Variants in CA10 observed in about 807,000 individuals in gnomAD.
The protein encoded by CA10 is carbonic anhydrase 10 (inactive).
CA10 carries 14 observed loss-of-function variants against 44.2 expected under a neutral mutation model. The observed-to-expected ratio is 0.32, with a 90% confidence interval of 0.21 to 0.50. CA10 has a LOEUF of 0.50. CA10 is among the 20% of genes least tolerant of loss of function. The probability of loss-of-function intolerance (pLI) is 0.99; values close to 1 mark genes in which losing one functional copy is unlikely to be tolerated. For missense variants in CA10, 350 were observed against 409.7 expected (o/e 0.85, Z 1.26); for synonymous variants, 159 against 141.6 (o/e 1.12, Z -0.87).
chr17:51,716,544 GC>G (rs1021157721), intron 4 of CA10, among the ~76,000 whole-genome samples: 29 of 152,132 alleles, frequency 1.9e-4, no homozygotes, highest in Admixed American at 1.4e-3. Context: ...GTTCTTGCCA[GC>G]CCCCCAGGGT....
chr17:51,914,182 C>A lies in CA10; in HGVS notation c.279+16808G>T, dbSNP rs111471786. Reference sequence around the variant, plus strand: ...TGCAATCATGCTTTTGGGGTGAACACCCCAGCTGCAAAAACAGTAAGGTCT... The same window carrying A: ...TGCAATCATGCTTTTGGGGTGAACAACCCAGCTGCAAAAACAGTAAGGTCT... On this transcript the variant is annotated intron_variant, in intron 3 of 8. Coordinates refer to ENST00000451037, the MANE Select transcript of CA10 (RefSeq NM_020178.5). Among the ~76,000 whole-genome samples, 1,210 of 152,174 alleles carry A rather than the reference C, an allele frequency of 8.0e-3. 15 individuals are homozygous for A. Among genetic ancestry groups the A allele is most frequent in the African/African-American group, 0.028 (1,161 of 41,534 alleles).
chr17:51,927,540 A>T (rs941978617), intron 3 of CA10, among the ~76,000 whole-genome samples: 13 of 152,274 alleles, frequency 8.5e-5, no homozygotes, highest in South Asian at 2.1e-4. Context: ...GATTGAAGTT[A>T]TCCATATTTT....
At chr17:52,058,087 T>C (rs748400243) in intron 2 of CA10, among the ~76,000 whole-genome samples, 1 of 152,056 alleles carries the variant, frequency 6.6e-6, no homozygotes, top group Non-Finnish European at 1.5e-5. Flanking sequence ...TGCTGAAATA[T>C]ATATGCAGGT....
chr17:52,049,389 C>G (rs771973146), intron 2 of CA10, among the ~76,000 whole-genome samples: 1 of 152,042 alleles, frequency 6.6e-6, no homozygotes, highest in Non-Finnish European at 1.5e-5. Context: ...CATAATAATT[C>G]CTTTATGTGA....
intron 3 of CA10, among the ~76,000 whole-genome samples, chr17:51,918,842 T>G (rs755100988): frequency 5.3e-5 from 8 of 152,236 alleles, no homozygotes; most frequent in Non-Finnish European, 7.3e-5. Context: ...CTAAAACATC[T>G]AACTTTTTAA....
At chr17:51,818,239 T>C (rs1598060390) in intron 3 of CA10, among the ~76,000 whole-genome samples, 1 of 152,376 alleles carries the variant, frequency 6.6e-6, no homozygotes, top group East Asian at 1.9e-4. Flanking sequence ...GGAACTCATT[T>C]AAATAAGAAA....
intron 1 of CA10, among the ~76,000 whole-genome samples, chr17:52,079,851 T>G (rs1351678480): frequency 6.6e-6 from 1 of 151,604 alleles, no homozygotes; most frequent in Non-Finnish European, 1.5e-5. Context: ...ATCTCTGTCT[T>G]TCTTTGCTTT....
At chr17:51,820,814 A>G (rs1435396177) in intron 3 of CA10, among the ~76,000 whole-genome samples, 2 of 152,056 alleles carry the variant, frequency 1.3e-5, no homozygotes, top group Non-Finnish European at 2.9e-5. Context: ...TAGATAATAC[A>G]TTGCATCTAA....
chr17:51,979,268 T>C (rs1262241932), intron 2 of CA10, among the ~76,000 whole-genome samples: 2 of 152,148 alleles, frequency 1.3e-5, no homozygotes, highest in African/African-American at 4.8e-5. Context: ...GCAAAACATA[T>C]ATCTGACAAA....
intron 3 of CA10, among the ~76,000 whole-genome samples, chr17:51,848,334 C>G (rs1978591347): frequency 6.6e-6 from 1 of 152,122 alleles, no homozygotes; most frequent in Non-Finnish European, 1.5e-5. Context: ...GCACCTGAGG[C>G]TTGTGCCTCA....
chr17:52,102,439 C>T (rs1486497907), intron 1 of CA10, among the ~76,000 whole-genome samples: 1 of 152,156 alleles, frequency 6.6e-6, no homozygotes, highest in East Asian at 1.9e-4. Flanking sequence ...TGAAAGTGAC[C>T]TTAAACTTGT....
At chr17:51,854,657 G>C (rs943005757) in intron 3 of CA10, among the ~76,000 whole-genome samples, 2 of 152,092 alleles carry the variant, frequency 1.3e-5, no homozygotes, top group African/African-American at 2.4e-5. Flanking sequence ...ATCAAGTCTT[G>C]GTTCCCCTTT....
chr17:51,679,279 G>A (rs1238300125), intron 4 of CA10, among the ~76,000 whole-genome samples: 1 of 147,164 alleles, frequency 6.8e-6, no homozygotes, highest in African/African-American at 2.5e-5. Flanking sequence ...TTTTTTTTTG[G>A]GATGGAGTCT....
intron 3 of CA10, among the ~76,000 whole-genome samples, chr17:51,882,721 T>C (rs1980431007): frequency 6.6e-6 from 1 of 152,180 alleles, no homozygotes; most frequent in Admixed American, 6.5e-5. Flanking sequence ...ACAAACAACT[T>C]CACGGGTCTC....
intron 4 of CA10, among the ~76,000 whole-genome samples, chr17:51,727,767 C>T (rs989528659): frequency 6.6e-6 from 1 of 151,900 alleles, no homozygotes; most frequent in African/African-American, 2.4e-5. Flanking sequence ...TTATTGAGTG[C>T]CTATTATGAT....
intron 4 of CA10, among the ~76,000 whole-genome samples, chr17:51,659,064 G>A (rs1913905053): frequency 6.6e-6 from 1 of 152,140 alleles, no homozygotes; most frequent in Non-Finnish European, 1.5e-5. Context: ...CAGACAGCAG[G>A]AAAAACATTA....
rs1437395824 is a variant in CA10, at chr17:51,645,518, C to T, written c.634+3664G>A. On this transcript the variant is annotated intron_variant, in intron 6 of 8. Coordinates refer to ENST00000451037, the MANE Select transcript of CA10 (RefSeq NM_020178.5). ...TTAGGTCAGGATGTACTTGAACTGCCAAAGTTCCCATCAGTTCTGTGGTTA... is the reference window on the plus strand; with the variant it reads ...TTAGGTCAGGATGTACTTGAACTGCTAAAGTTCCCATCAGTTCTGTGGTTA... Among the ~76,000 whole-genome samples, 3 of 152,130 alleles carry T rather than the reference C, an allele frequency of 2.0e-5. No individual in the cohort carries two copies. In the East Asian group the frequency reaches 5.8e-4, roughly 29 times the overall value.
At position 51,756,622 on chromosome 17, in the gene CA10, A is replaced by G. The variant is rs534647384; in HGVS notation, c.280-8804T>C. Among the ~76,000 whole-genome samples, 3 of 151,704 alleles carry G rather than the reference A, an allele frequency of 2.0e-5. No individual in the cohort carries two copies. In the Middle Eastern group the frequency reaches 0.01, roughly 520 times the overall value. ...GTAGCTGGGACTACAGGCGCCCGCCACCATGCCTGGCTAACTTTTTTTTTT... is the reference window on the plus strand; with the variant it reads ...GTAGCTGGGACTACAGGCGCCCGCCGCCATGCCTGGCTAACTTTTTTTTTT... On this transcript the variant is annotated intron_variant, in intron 3 of 8. Transcript: ENST00000451037.
At chr17:52,128,683 T>A (rs1331318605) in intron 1 of CA10, among the ~76,000 whole-genome samples, 1 of 152,240 alleles carries the variant, frequency 6.6e-6, no homozygotes, top group East Asian at 1.9e-4. Context: ...ATTGATCAAT[T>A]GGAGACATTC....
Sources: allele counts gnomAD v4.1 joint callset (sites outside exome capture counted in the v4.1 genomes callset), GRCh38; gene constraint gnomAD v4.1.1; transcripts MANE v1.5; gene names NCBI Gene and HGNC (gene_info 2026-07-23, HGNC 2026-07-21).